The following ASAP1 variants were observed in gnomAD, a reference collection of about 807,000 sequenced individuals.
ASAP1 encodes arf-GAP with SH3 domain, ANK repeat and PH domain-containing protein 1.
Under a neutral mutation model 145.2 loss-of-function variants are expected in ASAP1, and 43 were observed. The ratio of observed to expected loss-of-function variants is 0.30; its 90% CI spans 0.23 to 0.38. ASAP1 has a LOEUF of 0.38. ASAP1 is among the 10% of genes least tolerant of loss of function. The pLI, the probability that ASAP1 is intolerant of heterozygous loss-of-function variation, is 1.00. For missense variants in ASAP1, 1,018 were observed against 1,355.3 expected (o/e 0.75, Z 3.91); for synonymous variants, 546 against 515.5 (o/e 1.06, Z -0.80).
intron 3 of ASAP1, 71 bp downstream of exon 3, chr8:130,357,946 C>G (rs1380771231): frequency 6.6e-7 from 1 of 1,522,416 alleles, no homozygotes; most frequent in South Asian, 1.2e-5. Flanking sequence ...CCTCCCAGCT[C>G]GGAGAGGAGA....
intron 5 of ASAP1, among the ~76,000 whole-genome samples, chr8:130,198,456 A>AT (rs1485438547): frequency 1.3e-5 from 2 of 151,786 alleles, no homozygotes; most frequent in Admixed American, 1.3e-4. Flanking sequence ...ATTGCACCAC[A>AT]TTCTCTCCAT....
At chr8:130,064,409 G>A (rs73712869) in intron 27 of ASAP1, among the ~76,000 whole-genome samples, 2,135 of 152,240 alleles carry the variant, frequency 0.014, 64 homozygotes, top group African/African-American at 0.047. Flanking sequence ...CTGAACACCT[G>A]GAAGAATGAC....
chr8:130,221,975 TTATAA>T (rs1817318984), intron 4 of ASAP1, among the ~76,000 whole-genome samples: 1 of 152,174 alleles, frequency 6.6e-6, no homozygotes, highest in Non-Finnish European at 1.5e-5. Flanking sequence ...CAATAAATAT[TTATAA>T]TGGCAATGAC....
chr8:130,128,802 C>T (rs1051981250), intron 15 of ASAP1, among the ~76,000 whole-genome samples: 1 of 152,124 alleles, frequency 6.6e-6, no homozygotes, highest in Non-Finnish European at 1.5e-5. Context: ...CAAAGTAGAA[C>T]AGTTAAGCAG....
chr8:130,380,845 G>A (rs1320999574), intron 2 of ASAP1, among the ~76,000 whole-genome samples: 1 of 152,016 alleles, frequency 6.6e-6, no homozygotes, highest in Non-Finnish European at 1.5e-5. Flanking sequence ...AGATTCCTGA[G>A]TAGCTGGGAG....
intron 3 of ASAP1, among the ~76,000 whole-genome samples, chr8:130,257,892 TA>T (rs1455371192): frequency 3.3e-5 from 5 of 151,374 alleles, no homozygotes; most frequent in African/African-American, 1.2e-4. Flanking sequence ...GCAAATCTGT[TA>T]AAGAAGAGAT....
chr8:130,214,170 C>T (rs1241697010), intron 5 of ASAP1, among the ~76,000 whole-genome samples: 2 of 151,828 alleles, frequency 1.3e-5, no homozygotes, highest in Non-Finnish European at 2.9e-5. Context: ...AATGTATGTT[C>T]GACACAGAAA....
intron 24 of ASAP1, among the ~76,000 whole-genome samples, chr8:130,107,515 AATGTATGTATGTATGTATGTATGT>A (rs71302393): frequency 9.8e-6 from 1 of 101,708 alleles, no homozygotes; most frequent in East Asian, 4.4e-4. Context: ...TTTTTTAAAA[AATGTATGTATGTATGTATGTATGT>A]ATGTATGTAT....
At chr8:130,055,378 A>T (rs1592701516) in intron 29 of ASAP1, among the ~76,000 whole-genome samples, 2 of 152,054 alleles carry the variant, frequency 1.3e-5, no homozygotes, top group South Asian at 4.2e-4. Context: ...CTAGTTGGGA[A>T]GGAAGGGGTT....
chr8:130,255,521 GATC>G (rs1819458062), intron 3 of ASAP1, among the ~76,000 whole-genome samples: 1 of 152,104 alleles, frequency 6.6e-6, no homozygotes, highest in Admixed American at 6.6e-5. Flanking sequence ...CACTCTGATA[GATC>G]ATCTGTCTCC....
At chr8:130,178,739 A>T (rs1249280913) in intron 9 of ASAP1, among the ~76,000 whole-genome samples, 1 of 152,158 alleles carries the variant, frequency 6.6e-6, no homozygotes, top group Non-Finnish European at 1.5e-5. Context: ...CAAAAAAAAA[A>T]TTAACTGGGT....
chr8:130,139,153 G>A (rs1219288199), intron 13 of ASAP1, among the ~76,000 whole-genome samples: 1 of 152,166 alleles, frequency 6.6e-6, no homozygotes, highest in African/African-American at 2.4e-5. Context: ...TGATTGAAAG[G>A]GTGGAAAATG....
At chr8:130,064,350 G>T (rs769660667) in intron 27 of ASAP1, among the ~76,000 whole-genome samples, 2 of 152,268 alleles carry the variant, frequency 1.3e-5, no homozygotes, top group Admixed American at 1.3e-4. Context: ...ACAGGATGTG[G>T]TGTGTGAGAG....
intron 28 of ASAP1, among the ~76,000 whole-genome samples, chr8:130,058,459 A>C (rs2097409434): frequency 6.6e-6 from 1 of 152,228 alleles, no homozygotes; most frequent in Admixed American, 6.5e-5. Context: ...TGTTTTTAGG[A>C]AACATGATGT....
intron 3 of ASAP1, among the ~76,000 whole-genome samples, chr8:130,288,107 C>G (rs1350192223): frequency 6.6e-6 from 1 of 152,308 alleles, no homozygotes. Context: ...TCCAGCTACA[C>G]GCATCAAGCA....
chr8:130,118,514 A>C lies in ASAP1; in HGVS notation c.1769T>G (p.Met590Arg). 1 of 1,611,772 alleles carries C rather than the reference A, an allele frequency of 6.2e-7. No homozygotes were observed. Among genetic ancestry groups the C allele is most frequent in the Non-Finnish European group, 8.5e-7 (1 of 1,178,516 alleles). Reference sequence around the variant, plus strand: ...CTGCCCAGGTTCCAGCAGTGGTTCCATTAGCTCTACCCCTTCTGCATAGAC... The same window carrying C: ...CTGCCCAGGTTCCAGCAGTGGTTCCCTTAGCTCTACCCCTTCTGCATAGAC... ...IQVYAEGVEL[M>R]EPLLEPGQEL... Residue 590 changes from methionine to arginine, a missense_variant, in exon 19 of 30, where the codon ATG becomes AGG. This residue lies in a region of ASAP1 where 353 missense variants were observed against 375.4 expected (regional missense o/e 0.94). Coordinates refer to ENST00000518721, the MANE Select transcript of ASAP1 (RefSeq NM_018482.4).
chr8:130,318,900 C>G (rs143611310), intron 3 of ASAP1, among the ~76,000 whole-genome samples: 96 of 152,316 alleles, frequency 6.3e-4, no homozygotes, highest in Admixed American at 2.5e-3. Flanking sequence ...GGTCTCATCA[C>G]TGCAACACTG....
chr8:130,158,284 A>C (rs2097661947), intron 12 of ASAP1, among the ~76,000 whole-genome samples: 1 of 151,490 alleles, frequency 6.6e-6, no homozygotes, highest in African/African-American at 2.4e-5. Flanking sequence ...CCAAGGTGGG[A>C]GAATTTCTTG....
chr8:130,432,339 G>A (rs1830166870), intron 1 of ASAP1, among the ~76,000 whole-genome samples: 1 of 152,156 alleles, frequency 6.6e-6, no homozygotes. Context: ...TGGCAGATGG[G>A]GAAGGTAGGG....
Sources: allele counts gnomAD v4.1 joint callset (sites outside exome capture counted in the v4.1 genomes callset), GRCh38; gene constraint gnomAD v4.1.1; regional missense constraint gnomAD v4.1.1; transcripts MANE v1.5; gene names NCBI Gene and HGNC (gene_info 2026-07-23, HGNC 2026-07-21).